The following ACOXL variants were observed in gnomAD, a reference collection of about 807,000 sequenced individuals.
ACOXL encodes the protein acyl-CoA oxidase like.
ACOXL carries 70 observed loss-of-function variants against 71.9 expected under a neutral mutation model. The observed-to-expected ratio is 0.97, with a 90% CI of 0.80 to 1.19. The LOEUF is 1.19. ACOXL is among the 50% of genes most tolerant of loss of function. ACOXL has a pLI of 0.00. For synonymous variants in ACOXL, 253 were observed against 281.6 expected (o/e 0.90, Z 1.02); for missense variants, 703 against 736.3 (o/e 0.95, Z 0.52).
intron 12 of ACOXL, among the ~76,000 whole-genome samples, chr2:110,979,978 C>T (rs1365640789): frequency 1.3e-5 from 2 of 152,136 alleles, no homozygotes; most frequent in African/African-American, 4.8e-5. Context: ...TAACAAAACC[C>T]GTCTTTGGCA....
chr2:110,918,292 AAAAC>A (rs1237088170), intron 11 of ACOXL, among the ~76,000 whole-genome samples: 2 of 152,220 alleles, frequency 1.3e-5, no homozygotes, highest in African/African-American at 4.8e-5. Context: ...AAACCTGACA[AAAAC>A]AAGCAATAGG....
chr2:110,995,809 A>G (rs878957957), intron 13 of ACOXL, 84 bp from the exon 14 acceptor site: 2 of 1,104,432 alleles, frequency 1.8e-6, no homozygotes, highest in Admixed American at 1.9e-5. Flanking sequence ...AATAGTTTTA[A>G]AAAACAAACC....
intron 8 of ACOXL, among the ~76,000 whole-genome samples, chr2:110,803,342 A>G (rs1426598901): frequency 6.6e-6 from 1 of 152,268 alleles, no homozygotes; most frequent in Admixed American, 6.5e-5. Flanking sequence ...ATGGAATAGA[A>G]TGAAGAATCT....
rs369230389 is a variant in ACOXL at position 110,980,836 on chromosome 2, G to C, written c.1060-6272G>C. On this transcript the variant is annotated intron_variant, in intron 12 of 17. Coordinates refer to ENST00000439055, the MANE Select transcript of ACOXL (RefSeq NM_001142807.4). ...GCCCGCGGCCCTGAAAGCCTTTGTT[G>C]CTGCTACCGTTCCTTCTCAGATTGA... Among the ~76,000 whole-genome samples, 5 of 152,314 alleles carry C rather than the reference G, an allele frequency of 3.3e-5. No homozygotes were observed. The East Asian group carries it at 9.6e-4, about 29-fold the overall frequency.
chr2:110,779,813 A>G (rs1683108183), intron 2 of ACOXL, among the ~76,000 whole-genome samples: 1 of 152,266 alleles, frequency 6.6e-6, no homozygotes, highest in Admixed American at 6.5e-5. Flanking sequence ...CTAATTTGAG[A>G]CACATTAGAT....
chr2:110,852,661 G>A (rs1170779569), intron 10 of ACOXL, among the ~76,000 whole-genome samples: 1 of 152,242 alleles, frequency 6.6e-6, no homozygotes, highest in Non-Finnish European at 1.5e-5. Context: ...CTGTAGGGGT[G>A]CTGGGACATC....
intron 5 of ACOXL, 86 bp from the exon 6 acceptor site, chr2:110,798,523 TG>T (rs1286046637): frequency 1.6e-5 from 18 of 1,092,980 alleles, no homozygotes; most frequent in Non-Finnish European, 2.4e-5. Flanking sequence ...CCCAAAGTGC[TG>T]GGATTACAGT....
intron 10 of ACOXL, among the ~76,000 whole-genome samples, chr2:110,866,654 T>C (rs1450541254): frequency 6.6e-6 from 1 of 152,012 alleles, no homozygotes; most frequent in Non-Finnish European, 1.5e-5. Flanking sequence ...TTTGGGTGAC[T>C]CAAGCAGAGG....
At chr2:110,995,499 CAAA>C (rs567318996) in intron 13 of ACOXL, among the ~76,000 whole-genome samples, 1 of 67,290 alleles carries the variant, frequency 1.5e-5, no homozygotes, top group African/African-American at 6.6e-5. Context: ...GACTCTGTCT[CAAA>C]AAAAAAAAAA....
intron 1 of ACOXL, among the ~76,000 whole-genome samples, chr2:110,750,218 T>C (rs1239409372): frequency 7.2e-5 from 11 of 152,172 alleles, no homozygotes. Flanking sequence ...GGAGAGAGTA[T>C]CTACACAAAT....
Position 110,933,713 on chromosome 2 carries a change from G to A in ACOXL, c.1059+71G>A, listed in dbSNP as rs1305045050. Reference sequence around the variant, plus strand: ...CCACACTGGGGGAGCACTGTGGGGCGGGCAGATAACATGCTTCAGAGTCTA... The same window carrying A: ...CCACACTGGGGGAGCACTGTGGGGCAGGCAGATAACATGCTTCAGAGTCTA... On this transcript the variant is annotated intron_variant, in intron 12 of 17. Transcript: ENST00000439055. The A allele has an allele frequency of 6.0e-6, 9 of 1,496,716 alleles. No individual in the cohort carries two copies. In the South Asian group the frequency reaches 6.5e-5, roughly 11 times the overall value. The allele number at this position is 1,496,716 out of a possible 1,614,324, so 92.7% of individuals were successfully genotyped here.
intron 17 of ACOXL, among the ~76,000 whole-genome samples, chr2:111,117,022 G>A (rs182757246): frequency 1.3e-5 from 2 of 152,338 alleles, no homozygotes; most frequent in East Asian, 1.9e-4. Context: ...GCAGCGGCCA[G>A]GCGGAAGATG....
At position 111,047,047 on chromosome 2, in the gene ACOXL, T is replaced by C. The variant is rs112155642; in HGVS notation, c.1370-2171T>C. 7.9e-5 allele frequency among the ~76,000 whole-genome samples: 12 copies of C among 152,210 alleles called. 1 individual carries two copies. The highest frequency in any genetic ancestry group is 2.9e-4 in the African/African-American group (12 of 41,544). ...AAAGTGGTGCATCCAAGGGACATCA[T>C]CGTACAAGAGTCAGCAGGCATGGGG... On this transcript the variant is annotated intron_variant, in intron 15 of 17. Coordinates refer to ENST00000439055, the MANE Select transcript of ACOXL (RefSeq NM_001142807.4).
intron 1 of ACOXL, among the ~76,000 whole-genome samples, chr2:110,742,505 C>T (rs1677668130): frequency 6.6e-6 from 1 of 152,092 alleles, no homozygotes; most frequent in Admixed American, 6.5e-5. Flanking sequence ...TTTGGTGTCC[C>T]TGACACCTTG....
At chr2:110,838,904 G>T (rs970289244) in intron 9 of ACOXL, among the ~76,000 whole-genome samples, 9 of 152,242 alleles carry the variant, frequency 5.9e-5, no homozygotes, top group Non-Finnish European at 1.3e-4. Flanking sequence ...CCTGCCAGGA[G>T]CCCTGGCTGC....
At chr2:110,921,512 G>C (rs1214056993) in intron 11 of ACOXL, among the ~76,000 whole-genome samples, 1 of 148,920 alleles carries the variant, frequency 6.7e-6, no homozygotes, top group Non-Finnish European at 1.5e-5. Context: ...TCCTGCCTCA[G>C]CCTCCCAAGT....
In ACOXL at chr2:110,798,728, T is replaced by C. The variant is rs1158738502; in HGVS notation, c.460+4T>C. 3 of 1,611,572 alleles carry C rather than the reference T, an allele frequency of 1.9e-6. No individual in the cohort carries two copies. In the East Asian group the frequency reaches 6.7e-5, roughly 36 times the overall value. On this transcript the variant is annotated splice_donor_region_variant and intron_variant, in intron 6 of 17. Transcript: ENST00000439055. ...ATCATAGATGGAAGATCTCAAGGTT[T>C]GTTACCAATACAGACAACTAGAATA...
chr2:110,934,445 G>C (rs1197395229), intron 12 of ACOXL, among the ~76,000 whole-genome samples: 1 of 152,230 alleles, frequency 6.6e-6, no homozygotes, highest in African/African-American at 2.4e-5. Flanking sequence ...TTGGTCTTTG[G>C]TCTGAATTTA....
At chr2:110,980,028 A>G (rs1363680117) in intron 12 of ACOXL, among the ~76,000 whole-genome samples, 2 of 152,186 alleles carry the variant, frequency 1.3e-5, no homozygotes, top group Non-Finnish European at 2.9e-5. Flanking sequence ...TAGGCTGCAA[A>G]GGAGGGAGCT....
Sources: gnomAD v4.1 joint callset for allele counts (sites outside exome capture counted in the v4.1 genomes callset) on GRCh38, gnomAD v4.1.1 for gene constraint, MANE v1.5 for transcripts, NCBI Gene and HGNC (gene_info 2026-07-23, HGNC 2026-07-21) for gene names.